The following SGCZ variants were observed in gnomAD, a reference collection of about 807,000 sequenced individuals.
SGCZ encodes sarcoglycan zeta.
A neutral mutation model predicts 41.3 loss-of-function variants in SGCZ; 40 were observed. That is an observed-to-expected ratio of 0.97 (90% CI 0.75 to 1.26). The LOEUF is 1.26. Ranked by LOEUF, SGCZ falls within the 50% of genes most tolerant of loss-of-function variation. The pLI is 0.00. For synonymous variants in SGCZ, 206 were observed against 137.5 expected, an observed-to-expected ratio of 1.50 and a Z score of -3.49; for missense variants, 552 against 369.8, an observed-to-expected ratio of 1.49 and a Z score of -4.04.
chr8:14,897,656 A>C (rs60094435), intron 1 of SGCZ, among the ~76,000 whole-genome samples: 1 of 152,192 alleles, frequency 6.6e-6, no homozygotes, highest in Admixed American at 6.5e-5. Context: ...GGCATAATTC[A>C]TATGTCCCTG....
intron 4 of SGCZ, among the ~76,000 whole-genome samples, chr8:14,221,642 A>G (rs1011085440): frequency 2.0e-5 from 3 of 152,160 alleles, no homozygotes; most frequent in Admixed American, 2.0e-4. Flanking sequence ...TTTAGATTCA[A>G]ATAAGAAGTG....
At chr8:15,159,016 G>C (rs1268013173) in intron 1 of SGCZ, among the ~76,000 whole-genome samples, 4 of 152,172 alleles carry the variant, frequency 2.6e-5, no homozygotes, top group African/African-American at 4.8e-5. Context: ...ACAGATGGCT[G>C]CAATCCCTAC....
chr8:14,860,369 A>C (rs529101103), intron 1 of SGCZ, among the ~76,000 whole-genome samples: 11 of 152,048 alleles, frequency 7.2e-5, no homozygotes, highest in African/African-American at 2.7e-4. Flanking sequence ...TGGTAACTGC[A>C]GACTTTAATT....
At chr8:14,493,415 G>A (rs1365735768) in intron 2 of SGCZ, among the ~76,000 whole-genome samples, 1 of 95,996 alleles carries the variant, frequency 1.0e-5, no homozygotes, top group East Asian at 3.5e-4. Context: ...TTGCCAGGCT[G>A]GAGTACAGCG....
intron 1 of SGCZ, among the ~76,000 whole-genome samples, chr8:14,752,064 A>G (rs1473976518): frequency 6.6e-6 from 1 of 151,646 alleles, no homozygotes. Context: ...AAAGAAGGGT[A>G]AAGATGAGAA....
At chr8:15,171,598 C>G (rs571541648) in intron 1 of SGCZ, among the ~76,000 whole-genome samples, 30 of 152,314 alleles carry the variant, frequency 2.0e-4, no homozygotes, top group African/African-American at 7.0e-4. Flanking sequence ...TCAGATTTCT[C>G]TGCAGCCATA....
intron 1 of SGCZ, among the ~76,000 whole-genome samples, chr8:14,563,817 A>C (rs1804278295): frequency 6.6e-6 from 1 of 152,208 alleles, no homozygotes; most frequent in Non-Finnish European, 1.5e-5. Flanking sequence ...TTTATCACTA[A>C]GTAGTCAAAA....
chr8:14,095,424 A>G (rs1035533548), intron 7 of SGCZ, among the ~76,000 whole-genome samples: 3 of 152,158 alleles, frequency 2.0e-5, no homozygotes, highest in African/African-American at 7.2e-5. Flanking sequence ...GTCAAAGTTC[A>G]GATGGTCGTA....
intron 2 of SGCZ, among the ~76,000 whole-genome samples, chr8:14,462,012 T>C (rs1490376782): frequency 1.3e-5 from 2 of 152,092 alleles, no homozygotes; most frequent in Admixed American, 6.6e-5. Flanking sequence ...CCTCATTCAA[T>C]TATTAATTAT....
rs370253746 is a variant in SGCZ at position 14,126,993 on chromosome 8, G to C, written c.548-18758C>G. ...GGGCCATCTGGGGGGTCAGGGGGAG[G>C]GAGAGCATCAGGACAAATACCTAAT... On this transcript the variant is annotated intron_variant, in intron 5 of 7. Transcript: ENST00000382080. Among the ~76,000 whole-genome samples the C allele has an allele frequency of 5.3e-5, 8 of 151,932 alleles. No individual in the cohort carries two copies. In the East Asian group the frequency reaches 1.4e-3, roughly 26 times the overall value.
chr8:14,714,087 C>A (rs995485223), intron 1 of SGCZ, among the ~76,000 whole-genome samples: 2 of 152,066 alleles, frequency 1.3e-5, no homozygotes, highest in Admixed American at 1.3e-4. Context: ...TCTGCCTCAG[C>A]CTCCCGAGTA....
At chr8:15,224,249 G>A (rs1283849297) in intron 1 of SGCZ, among the ~76,000 whole-genome samples, 3 of 152,108 alleles carry the variant, frequency 2.0e-5, no homozygotes, top group East Asian at 1.9e-4. Flanking sequence ...ATTCAGGAAA[G>A]TCATAAAATA....
intron 2 of SGCZ, among the ~76,000 whole-genome samples, chr8:14,393,624 C>G (rs1266815236): frequency 2.0e-5 from 3 of 151,884 alleles, no homozygotes; most frequent in Admixed American, 1.3e-4. Flanking sequence ...ACTGAGAGAC[C>G]TTTTTCTCCA....
rs570510397 is a variant in SGCZ, at chr8:14,219,084, G to C, written c.424+18508C>G. Among the ~76,000 whole-genome samples the C allele has an allele frequency of 2.0e-5, 3 of 152,324 alleles. 1 individual carries two copies. In the South Asian group the frequency reaches 6.2e-4, roughly 32 times the overall value. On this transcript the variant is annotated intron_variant, in intron 4 of 7. Transcript: ENST00000382080. ...TTAAAAACAAAATTGTTCTTTTGAA[G>C]TGCCCTCTTACTCTATGCAGCAACA...
At chr8:15,052,057 G>A (rs60105605) in intron 1 of SGCZ, among the ~76,000 whole-genome samples, 2,194 of 152,216 alleles carry the variant, frequency 0.014, 38 homozygotes, top group African/African-American at 0.049. Context: ...AATCTGAGCC[G>A]TAATTTAGAC....
At chr8:14,478,848 C>A (rs1253360236) in intron 2 of SGCZ, among the ~76,000 whole-genome samples, 6 of 152,234 alleles carry the variant, frequency 3.9e-5, no homozygotes, top group South Asian at 4.1e-4. Context: ...TTCTGTTTCA[C>A]TTGTAAAAAG....
intron 1 of SGCZ, among the ~76,000 whole-genome samples, chr8:15,081,362 T>C (rs1805740407): frequency 6.6e-6 from 1 of 152,228 alleles, no homozygotes; most frequent in Admixed American, 6.5e-5. Flanking sequence ...TTTTTCTCAA[T>C]TTTTTAAATG....
At chr8:14,226,567 T>A (rs1340159900) in intron 4 of SGCZ, among the ~76,000 whole-genome samples, 1 of 152,160 alleles carries the variant, frequency 6.6e-6, no homozygotes, top group Non-Finnish European at 1.5e-5. Flanking sequence ...ACCATTCCAC[T>A]GTGTTAACAT....
chr8:14,661,139 T>TA (rs1173824572), intron 1 of SGCZ, among the ~76,000 whole-genome samples: 1 of 152,074 alleles, frequency 6.6e-6, no homozygotes, highest in Non-Finnish European at 1.5e-5. Context: ...ATACATAAGC[T>TA]AAAAAAATAG....
Sources: allele counts gnomAD v4.1 joint callset (sites outside exome capture counted in the v4.1 genomes callset), GRCh38; gene constraint gnomAD v4.1.1; transcripts MANE v1.5; gene names NCBI Gene and HGNC (gene_info 2026-07-23, HGNC 2026-07-21).